SGCZ: variants seen among roughly 807,000 people sequenced by gnomAD.
SGCZ encodes the protein sarcoglycan zeta.
SGCZ carries 40 observed loss-of-function variants against 41.3 expected under a neutral mutation model. The observed-to-expected ratio is 0.97, with a 90% CI of 0.75 to 1.26. SGCZ has a LOEUF of 1.26. SGCZ is among the 50% of genes most tolerant of loss of function. SGCZ has a pLI of 0.00. For synonymous variants in SGCZ, 206 were observed against 137.5 expected, an observed-to-expected ratio of 1.50 and a Z score of -3.49; for missense variants, 552 against 369.8, an observed-to-expected ratio of 1.49 and a Z score of -4.04.
intron 1 of SGCZ, among the ~76,000 whole-genome samples, chr8:15,013,286 G>T (rs1186865815): frequency 1.3e-5 from 2 of 152,052 alleles, no homozygotes; most frequent in Non-Finnish European, 2.9e-5. Flanking sequence ...GAACCTTTAT[G>T]AACAAGCCAA....
chr8:14,636,145 G>A (rs1806821192), intron 1 of SGCZ, among the ~76,000 whole-genome samples: 1 of 151,904 alleles, frequency 6.6e-6, no homozygotes, highest in African/African-American at 2.4e-5. Flanking sequence ...TAAGTTCAGT[G>A]TGGGTGCATA....
intron 1 of SGCZ, among the ~76,000 whole-genome samples, chr8:14,755,745 C>G (rs1307605408): frequency 1.3e-5 from 2 of 152,096 alleles, no homozygotes; most frequent in Non-Finnish European, 1.5e-5. Flanking sequence ...GCCCTGATTG[C>G]TCATAACTGT....
rs545387013 is a variant in SGCZ, at chr8:14,105,460, A to ATTAGAAGTAGGCATCAACC, written c.620+2684_620+2702dup. On this transcript the variant is annotated intron_variant, in intron 6 of 7. Transcript: ENST00000382080. ...TTGGCCAACCAATGAAACCGTGTTG[A>ATTAGAAGTAGGCATCAACC]TTAGAAGTAGGCATCAACCAACAAA... 2.5e-3 allele frequency among the ~76,000 whole-genome samples: 375 copies of ATTAGAAGTAGGCATCAACC among 152,282 alleles called. 1 individual carries two copies. Among genetic ancestry groups the ATTAGAAGTAGGCATCAACC allele is most frequent in the African/African-American group, 8.4e-3 (350 of 41,574 alleles).
intron 4 of SGCZ, among the ~76,000 whole-genome samples, chr8:14,209,145 A>G (rs183297959): frequency 6.6e-6 from 1 of 152,344 alleles, no homozygotes; most frequent in Non-Finnish European, 1.5e-5. Flanking sequence ...GCCCATTTGC[A>G]TATTAGTGCG....
intron 3 of SGCZ, among the ~76,000 whole-genome samples, chr8:14,254,984 T>C (rs1799409678): frequency 6.6e-6 from 1 of 152,304 alleles, no homozygotes; most frequent in East Asian, 1.9e-4. Context: ...CATGCACTGC[T>C]TTTCTATTAT....
intron 2 of SGCZ, among the ~76,000 whole-genome samples, chr8:14,546,829 T>C (rs1388380241): frequency 6.6e-6 from 1 of 152,182 alleles, no homozygotes; most frequent in Non-Finnish European, 1.5e-5. Context: ...GTAGCATTAA[T>C]ACAATGAAAT....
chr8:14,957,213 A>G (rs1411696779), intron 1 of SGCZ, among the ~76,000 whole-genome samples: 2 of 152,158 alleles, frequency 1.3e-5, no homozygotes, highest in South Asian at 2.1e-4. Context: ...ATGGAAACAG[A>G]TGGTGATATT....
intron 1 of SGCZ, among the ~76,000 whole-genome samples, chr8:15,184,356 A>G (rs1800268503): frequency 6.6e-6 from 1 of 152,154 alleles, no homozygotes. Flanking sequence ...AATCAAACTC[A>G]CACCGATTTG....
chr8:15,124,077 C>A (rs1327761422), intron 1 of SGCZ, among the ~76,000 whole-genome samples: 2 of 152,126 alleles, frequency 1.3e-5, no homozygotes, highest in African/African-American at 4.8e-5. Context: ...ATGGAAAAAT[C>A]TTCATTAAAT....
At chr8:14,681,487 C>G (rs966335) in intron 1 of SGCZ, among the ~76,000 whole-genome samples, 121,395 of 152,132 alleles carry the variant, frequency 0.8, 49,045 homozygotes, top group African/African-American at 0.9. Context: ...CATTTCATGG[C>G]TACAGAAAGA....
intron 3 of SGCZ, among the ~76,000 whole-genome samples, chr8:14,281,847 G>A (rs1052689468): frequency 8.2e-6 from 1 of 121,820 alleles, no homozygotes; most frequent in East Asian, 2.6e-4. Context: ...CATAAATTAA[G>A]TTTGTCAGAA....
chr8:14,758,256 T>C (rs1255353518), intron 1 of SGCZ, among the ~76,000 whole-genome samples: 1 of 152,182 alleles, frequency 6.6e-6, no homozygotes, highest in African/African-American at 2.4e-5. Context: ...ATTAAGTTCT[T>C]CCTGGATGGT....
chr8:14,612,161 T>C (rs1805950519), intron 1 of SGCZ, among the ~76,000 whole-genome samples: 3 of 152,162 alleles, frequency 2.0e-5, no homozygotes, highest in Non-Finnish European at 1.5e-5. Flanking sequence ...GGTGTTGATA[T>C]GGTTTGGCTC....
intron 1 of SGCZ, among the ~76,000 whole-genome samples, chr8:14,778,539 AG>A (rs1449944416): frequency 6.6e-6 from 1 of 152,244 alleles, no homozygotes; most frequent in African/African-American, 2.4e-5. Flanking sequence ...AAAACAGAAA[AG>A]ACAGTGTATA....
Position 14,090,120 on chromosome 8 carries a change from A to T in SGCZ, c.*323T>A, listed in dbSNP as rs1318699978. The T allele has an allele frequency of 5.1e-6, 1 of 197,264 alleles. No homozygotes were observed. The highest frequency in any genetic ancestry group is 2.3e-5 in the African/African-American group (1 of 43,334). 12.2% of individuals were successfully genotyped at this position (197,264 alleles called of 1,614,324 possible). On this transcript the variant is annotated 3_prime_UTR_variant, in exon 8 of 8. Coordinates refer to ENST00000382080, the MANE Select transcript of SGCZ (RefSeq NM_139167.4). ...TGTAATGTATATATGTGCAGTTCATATCCAGGTCCTGCAAAAATCTAAAAC... is the reference window on the plus strand; with the variant it reads ...TGTAATGTATATATGTGCAGTTCATTTCCAGGTCCTGCAAAAATCTAAAAC...
At chr8:14,630,757 A>C (rs1183009336) in intron 1 of SGCZ, among the ~76,000 whole-genome samples, 3 of 151,762 alleles carry the variant, frequency 2.0e-5, no homozygotes, top group African/African-American at 4.8e-5. Context: ...CATTCTGAGC[A>C]AACTGTCACA....
intron 1 of SGCZ, among the ~76,000 whole-genome samples, chr8:15,172,039 T>A (rs1039076532): frequency 1.3e-5 from 2 of 151,910 alleles, no homozygotes; most frequent in Non-Finnish European, 2.9e-5. Flanking sequence ...GAGATTTCTA[T>A]GTGAAAAATG....
chr8:14,391,862 G>C (rs905901468), intron 2 of SGCZ, among the ~76,000 whole-genome samples: 2 of 152,080 alleles, frequency 1.3e-5, no homozygotes, highest in Non-Finnish European at 2.9e-5. Context: ...TTTGCAACTG[G>C]TTGTTTTTAA....
chr8:14,599,309 T>C (rs1805512380), intron 1 of SGCZ, among the ~76,000 whole-genome samples: 1 of 152,212 alleles, frequency 6.6e-6, no homozygotes. Context: ...CTTGTATACA[T>C]TTTAAAGTCC....
Sources: gnomAD v4.1 joint callset for allele counts (sites outside exome capture counted in the v4.1 genomes callset) on GRCh38, gnomAD v4.1.1 for gene constraint, MANE v1.5 for transcripts, NCBI Gene and HGNC (gene_info 2026-07-23, HGNC 2026-07-21) for gene names.